Variants in CLASP2 observed in about 807,000 individuals in gnomAD.
CLASP2 encodes CLIP-associating protein 2.
In CLASP2, 47 loss-of-function variants were observed where a neutral mutation model predicts 194.4. That is an observed-to-expected ratio of 0.24 (90% confidence interval 0.19 to 0.31). The LOEUF is 0.31. Among genes scored for constraint, CLASP2 ranks in the 10% least tolerant of loss-of-function variants. The pLI, the probability that CLASP2 is intolerant of heterozygous loss-of-function variation, is 1.00. For missense variants in CLASP2, 1,445 were observed against 1,823.6 expected, an observed-to-expected ratio of 0.79 and a Z score of 3.78; for synonymous variants, 619 against 633.5, an observed-to-expected ratio of 0.98 and a Z score of 0.34.
intron 3 of CLASP2, among the ~76,000 whole-genome samples, chr3:33,689,512 T>C (rs2091099381): frequency 6.6e-6 from 1 of 152,028 alleles, no homozygotes; most frequent in South Asian, 2.1e-4. Context: ...GTTCTCAAAA[T>C]AAGCTTTCTC....
intron 26 of CLASP2, among the ~76,000 whole-genome samples, 163 bp from the exon 27 acceptor site, chr3:33,566,897 A>G (rs2062834240): frequency 6.6e-6 from 1 of 152,242 alleles, no homozygotes. Flanking sequence ...ATAAACTCAA[A>G]ATAGTTTTTA....
chr3:33,704,699 G>C (rs1490726011), intron 1 of CLASP2, among the ~76,000 whole-genome samples: 1 of 152,072 alleles, frequency 6.6e-6, no homozygotes, highest in Non-Finnish European at 1.5e-5. Context: ...GTTGCAGTGA[G>C]CCGAGATTGC....
At chr3:33,499,518 T>G (rs2046356433) in intron 38 of CLASP2, among the ~76,000 whole-genome samples, 1 of 151,804 alleles carries the variant, frequency 6.6e-6, no homozygotes, top group South Asian at 2.1e-4. Flanking sequence ...CCTGGCTAAT[T>G]TTTTATATTT....
chr3:33,535,508 GT>G, intron 33 of CLASP2, 47 bp from the exon 34 acceptor site: 1 of 1,425,282 alleles, frequency 7.0e-7, no homozygotes, highest in Non-Finnish European at 9.8e-7. Context: ...CATTTTTCAA[GT>G]ATCTATTTAA....
chr3:33,520,000 TG>T (rs2052521002), intron 34 of CLASP2, among the ~76,000 whole-genome samples: 1 of 152,208 alleles, frequency 6.6e-6, no homozygotes, highest in African/African-American at 2.4e-5. Context: ...ATGATATTTT[TG>T]ATATGTTATC....
chr3:33,600,794 CA>C (rs2071877075), intron 18 of CLASP2, among the ~76,000 whole-genome samples: 1 of 152,106 alleles, frequency 6.6e-6, no homozygotes, highest in South Asian at 2.1e-4. Flanking sequence ...CTCTGTTACA[CA>C]TTAAGGTTGA....
At chr3:33,632,560 C>A (rs572892763) in intron 8 of CLASP2, among the ~76,000 whole-genome samples, 189 bp from the exon 9 acceptor site, 1 of 152,244 alleles carries the variant, frequency 6.6e-6, no homozygotes, top group South Asian at 2.1e-4. Context: ...AATGCCGATT[C>A]ATTATAAGGT....
chr3:33,518,788 T>C (rs1393228330), intron 34 of CLASP2, among the ~76,000 whole-genome samples: 1 of 152,226 alleles, frequency 6.6e-6, no homozygotes, highest in Non-Finnish European at 1.5e-5. Context: ...ACCTGACATA[T>C]AATGATCTGG....
At chr3:33,522,755 G>C (rs557436733) in intron 34 of CLASP2, among the ~76,000 whole-genome samples, 16 of 152,348 alleles carry the variant, frequency 1.1e-4, no homozygotes, top group African/African-American at 3.8e-4. Flanking sequence ...CTGGAATTAA[G>C]AAGTATGGTA....
chr3:33,617,771 T>C (rs1041643204), intron 12 of CLASP2, among the ~76,000 whole-genome samples: 2 of 151,066 alleles, frequency 1.3e-5, no homozygotes, highest in Non-Finnish European at 2.9e-5. Flanking sequence ...ATAGCTAACA[T>C]CCCTAATAAT....
chr3:33,506,871 C>A (rs1360128694), intron 37 of CLASP2, among the ~76,000 whole-genome samples: 1 of 151,186 alleles, frequency 6.6e-6, no homozygotes, highest in Non-Finnish European at 1.5e-5. Context: ...ACTATCATAG[C>A]TTTGTAATAC....
intron 29 of CLASP2, among the ~76,000 whole-genome samples, chr3:33,555,807 A>C (rs948040212): frequency 6.6e-6 from 1 of 152,214 alleles, no homozygotes; most frequent in Non-Finnish European, 1.5e-5. Context: ...ATTTATTTAC[A>C]CTATGTGAGA....
At chr3:33,562,692 C>T (rs1430780845) in intron 27 of CLASP2, among the ~76,000 whole-genome samples, 1 of 152,178 alleles carries the variant, frequency 6.6e-6, no homozygotes, top group Non-Finnish European at 1.5e-5. Context: ...CAACACTTGT[C>T]TATGCTCCTG....
intron 37 of CLASP2, among the ~76,000 whole-genome samples, chr3:33,505,710 T>G (rs1486284802): frequency 1.3e-5 from 2 of 152,222 alleles, no homozygotes; most frequent in African/African-American, 4.8e-5. Context: ...TTAACATCAC[T>G]GAAGGCGGGA....
chr3:33,618,896 TTAA>T (rs1393108011), intron 12 of CLASP2, among the ~76,000 whole-genome samples: 2 of 152,198 alleles, frequency 1.3e-5, no homozygotes, highest in East Asian at 3.9e-4. Context: ...CATACCTCAC[TTAA>T]TGATGGGGAT....
At chr3:33,640,800 A>C (rs1397018695) in intron 8 of CLASP2, among the ~76,000 whole-genome samples, 1 of 152,098 alleles carries the variant, frequency 6.6e-6, no homozygotes, top group Admixed American at 6.5e-5. Flanking sequence ...TCAACAAGAA[A>C]ATACTGAAAA....
At chr3:33,640,547 T>G (rs1196202046) in intron 8 of CLASP2, among the ~76,000 whole-genome samples, 1 of 152,054 alleles carries the variant, frequency 6.6e-6, no homozygotes, top group African/African-American at 2.4e-5. Context: ...AGTGAGTGAG[T>G]GAGTGAGTGA....
At chr3:33,625,575 T>C (rs554465943) in intron 10 of CLASP2, among the ~76,000 whole-genome samples, 2 of 152,120 alleles carry the variant, frequency 1.3e-5, no homozygotes, top group African/African-American at 4.8e-5. Flanking sequence ...TTTTTTTTTT[T>C]TGGTTTACAA....
chr3:33,636,773 G>A (rs1040327473), intron 8 of CLASP2, among the ~76,000 whole-genome samples: 1 of 152,048 alleles, frequency 6.6e-6, no homozygotes. Flanking sequence ...GCTAATTTTT[G>A]TATTTTTAGT....
Sources: allele counts gnomAD v4.1 joint callset (sites outside exome capture counted in the v4.1 genomes callset), GRCh38; gene constraint gnomAD v4.1.1; transcripts MANE v1.5; gene names NCBI Gene and HGNC (gene_info 2026-07-23, HGNC 2026-07-21).